Variants in SLC30A7 observed in about 807,000 individuals in gnomAD.
The protein encoded by SLC30A7 is solute carrier family 30 member 7, also known as zinc transporter 7.
SLC30A7 carries 35 observed loss-of-function variants against 46.0 expected under a neutral mutation model. The ratio of observed to expected loss-of-function variants is 0.76; its 90% CI spans 0.58 to 1.01. The LOEUF (loss-of-function observed/expected upper bound fraction) is 1.01, where lower values mean the gene tolerates loss of function less well. Among genes scored for constraint, SLC30A7 ranks in the 50% least tolerant of loss-of-function variants. SLC30A7 has a pLI of 0.00. For missense variants in SLC30A7, 464 were observed against 451.1 expected, an observed-to-expected ratio of 1.03 and a Z score of -0.26; for synonymous variants, 147 against 157.8, an observed-to-expected ratio of 0.93 and a Z score of 0.51.
chr1:100,915,196 T>TCTTTTCTTTC (rs2101023091), intron 6 of SLC30A7, among the ~76,000 whole-genome samples: 1 of 56,602 alleles, frequency 1.8e-5, no homozygotes, highest in African/African-American at 7.6e-5. Context: ...TTCTTTCTTT[T>TCTTTTCTTTC]CTTTCTTTCT....
At chr1:100,991,327 G>C in the SLC30A7 span, among the ~76,000 whole-genome samples, 1 of 152,124 alleles carries the variant, frequency 6.6e-6, no homozygotes, top group Non-Finnish European at 1.5e-5. Context: ...TTGGGAAAGG[G>C]GTCTTGATTG....
chr1:100,931,362 A>G (rs1653654335), intron 8 of SLC30A7, among the ~76,000 whole-genome samples: 1 of 152,208 alleles, frequency 6.6e-6, no homozygotes, highest in African/African-American at 2.4e-5. Context: ...TACTACACAC[A>G]TAAACACACA....
At chr1:100,949,345 G>A (rs1481095846) in intron 8 of SLC30A7, among the ~76,000 whole-genome samples, 1 of 152,182 alleles carries the variant, frequency 6.6e-6, no homozygotes, top group Admixed American at 6.5e-5. Context: ...GGAGGCTGCA[G>A]AACAGCAAAT....
At chr1:100,939,722 A>C (rs1462263519) in intron 8 of SLC30A7, among the ~76,000 whole-genome samples, 8 of 151,280 alleles carry the variant, frequency 5.3e-5, no homozygotes, top group Non-Finnish European at 1.0e-4. Flanking sequence ...GGTGGTGGGC[A>C]CCTGTAGTCC....
At chr1:100,932,256 A>G (rs1020737455) in intron 8 of SLC30A7, among the ~76,000 whole-genome samples, 6 of 152,106 alleles carry the variant, frequency 3.9e-5, no homozygotes, top group Non-Finnish European at 8.8e-5. Flanking sequence ...CTCTACTAAA[A>G]ATACAAAAAT....
At chr1:100,912,339 C>T in intron 5 of SLC30A7, 101 bp downstream of exon 5, 1 of 1,296,700 alleles carries the variant, frequency 7.7e-7, no homozygotes, top group Non-Finnish European at 1.1e-6. Flanking sequence ...TTTCTGATGT[C>T]AACAGACTAT....
downstream of SLC30A7, among the ~76,000 whole-genome samples, chr1:100,984,344 C>A (rs1448453148): frequency 6.6e-6 from 1 of 152,122 alleles, no homozygotes; most frequent in Non-Finnish European, 1.5e-5. Context: ...GAGGCTCAAC[C>A]AAGAAGGGGA....
At position 100,966,006 on chromosome 1, in the gene SLC30A7, G is replaced by A. The variant is rs997123817; in HGVS notation, c.1083+88G>A. The A allele has an allele frequency of 7.5e-6, 9 of 1,192,838 alleles. No individual in the cohort carries two copies. The African/African-American group carries it at 1.4e-4, about 18-fold the overall frequency. The allele number at this position is 1,192,838 out of a possible 1,614,324, so 73.9% of individuals were successfully genotyped here. A position where few individuals can be genotyped will look rare whatever the true frequency, so the allele number is the denominator to read the frequency against. ...AAATATTTACAAGGCCAATGTGAGA[G>A]GATGGCTTGAGGCTAGGATTTCTAG... On this transcript the variant is annotated intron_variant, in intron 10 of 10. Coordinates refer to ENST00000357650, the MANE Select transcript of SLC30A7 (RefSeq NM_133496.5).
chr1:100,965,557 A>C (rs1655813659), intron 9 of SLC30A7, among the ~76,000 whole-genome samples: 1 of 152,190 alleles, frequency 6.6e-6, no homozygotes, highest in Admixed American at 6.5e-5. Flanking sequence ...ATTTTGATAC[A>C]TGTTTGTTTA....
At chr1:100,928,517 A>T (rs974897844) in intron 8 of SLC30A7, among the ~76,000 whole-genome samples, 4 of 152,106 alleles carry the variant, frequency 2.6e-5, no homozygotes, top group Admixed American at 6.5e-5. Context: ...ATAGAAAAAG[A>T]TAAGGAAAAA....
At chr1:100,918,009 G>C (rs1652691003) in intron 6 of SLC30A7, 68 bp from the exon 7 acceptor site, 15 of 1,269,284 alleles carry the variant, frequency 1.2e-5, no homozygotes, top group Non-Finnish European at 1.7e-5. Context: ...GAATGAAAAG[G>C]ACTCTGAATT....
At chr1:100,908,568 T>A (rs947784945) in intron 3 of SLC30A7, among the ~76,000 whole-genome samples, 6 of 152,208 alleles carry the variant, frequency 3.9e-5, no homozygotes, top group African/African-American at 1.4e-4. Context: ...TCATTGTACA[T>A]TTTATAGTAT....
intron 8 of SLC30A7, among the ~76,000 whole-genome samples, chr1:100,956,311 T>A (rs1655217725): frequency 6.6e-6 from 1 of 152,166 alleles, no homozygotes. Context: ...CTTTACTAAT[T>A]CTAGAGTCCT....
intron 7 of SLC30A7, among the ~76,000 whole-genome samples, chr1:100,919,454 A>G (rs1652810668): frequency 6.6e-6 from 1 of 152,124 alleles, no homozygotes; most frequent in Non-Finnish European, 1.5e-5. Flanking sequence ...TTCACTGTGA[A>G]TATATTCCTT....
At chr1:100,910,321 C>A (rs888217517) in intron 3 of SLC30A7, among the ~76,000 whole-genome samples, 1 of 151,820 alleles carries the variant, frequency 6.6e-6, no homozygotes, top group Non-Finnish European at 1.5e-5. Context: ...TTAACTAAGC[C>A]AAATATACGA....
At chr1:100,968,573 C>A (rs1443687683) in intron 10 of SLC30A7, among the ~76,000 whole-genome samples, 1 of 152,108 alleles carries the variant, frequency 6.6e-6, no homozygotes, top group Non-Finnish European at 1.5e-5. Flanking sequence ...AACCAACAGA[C>A]TTTTAAAGTC....
At chr1:100,902,848 C>T (rs888359248) in intron 2 of SLC30A7, among the ~76,000 whole-genome samples, 1 of 152,152 alleles carries the variant, frequency 6.6e-6, no homozygotes. Context: ...CTAATAAAGT[C>T]ACGTTCTCAG....
chr1:100,912,644 C>T (rs933494078), intron 5 of SLC30A7, among the ~76,000 whole-genome samples: 3 of 151,522 alleles, frequency 2.0e-5, no homozygotes, highest in South Asian at 2.1e-4. Context: ...GGCGATATGG[C>T]GAAACCCCAT....
intron 8 of SLC30A7, among the ~76,000 whole-genome samples, chr1:100,960,359 T>C (rs1655471252): frequency 6.6e-6 from 1 of 152,212 alleles, no homozygotes; most frequent in Non-Finnish European, 1.5e-5. Flanking sequence ...CCCTGTGCCC[T>C]TCTTCAGGGC....
Sources: gnomAD v4.1 joint callset for allele counts (sites outside exome capture counted in the v4.1 genomes callset) on GRCh38, gnomAD v4.1.1 for gene constraint, MANE v1.5 for transcripts, NCBI Gene and HGNC (gene_info 2026-07-23, HGNC 2026-07-21) for gene names.